STRN4: variants seen among roughly 807,000 people sequenced by gnomAD.
STRN4 encodes the protein striatin-4.
STRN4 carries 27 observed loss-of-function variants against 77.9 expected under a neutral mutation model. That is an observed-to-expected ratio of 0.35 (90% confidence interval 0.26 to 0.48). The LOEUF is 0.48. STRN4 is among the 20% of genes least tolerant of loss of function. The probability of loss-of-function intolerance (pLI) is 0.99; values close to 1 mark genes in which losing one functional copy is unlikely to be tolerated. For missense variants in STRN4, 798 were observed against 1,049.7 expected (o/e 0.76, Z 3.31); for synonymous variants, 466 against 443.1 (o/e 1.05, Z -0.65).
Position 46,733,443 on chromosome 19 carries a change from G to C in STRN4, c.540-207C>G, listed in dbSNP as rs2054296097. 1 of 584,816 alleles carries C rather than the reference G, an allele frequency of 1.7e-6. No homozygotes were observed. The allele number at this position is 584,816 out of a possible 1,614,324, so 36.2% of individuals were successfully genotyped here. On this transcript the variant is annotated intron_variant, in intron 4 of 17. Transcript: ENST00000263280. The surrounding 1 kb of genome is among the most constrained non-coding windows in gnomAD (Gnocchi z 4.3). ...TACACACACACAATGCTATGTGTGAGGGTGCTCCCTGCACTGCTGTATGGG... is the reference window on the plus strand; with the variant it reads ...TACACACACACAATGCTATGTGTGACGGTGCTCCCTGCACTGCTGTATGGG...
Position 46,738,376 on chromosome 19 carries a change from C to T in STRN4, c.387-139G>A, listed in dbSNP as rs2054410868. 1 of 850,530 alleles carries T rather than the reference C, an allele frequency of 1.2e-6. No individual in the cohort carries two copies. Among genetic ancestry groups the T allele is most frequent in the Admixed American group, 2.0e-5 (1 of 49,928 alleles). 52.7% of individuals were successfully genotyped at this position (850,530 alleles called of 1,614,324 possible). Reference sequence around the variant, plus strand: ...CTACTACTGAGGCTGAAGCATCCCCCCACACCCCTGGCCTGGTGGAAGAAA... The same window carrying T: ...CTACTACTGAGGCTGAAGCATCCCCTCACACCCCTGGCCTGGTGGAAGAAA... On this transcript the variant is annotated intron_variant, in intron 2 of 17. Transcript: ENST00000263280. This position sits in a 1 kb window ranked among gnomAD's most constrained non-coding sequence, Gnocchi z 4.5.
chr19:46,730,127 G>A (rs760752903), intron 6 of STRN4, among the ~76,000 whole-genome samples: 1 of 152,190 alleles, frequency 6.6e-6, no homozygotes, highest in South Asian at 2.1e-4. Flanking sequence ...CTGGACCAGG[G>A]GCCAGCATTT....
At chr19:46,731,892 G>A (rs1308299299) in intron 5 of STRN4, 1 of 152,288 alleles carries the variant, frequency 6.6e-6, no homozygotes, top group Non-Finnish European at 1.5e-5. Context: ...GAATGCCCAT[G>A]TGCTTGTTCA....
intron 4 of STRN4, chr19:46,736,361 G>C (rs893954543): frequency 6.6e-6 from 1 of 152,600 alleles, no homozygotes; most frequent in Non-Finnish European, 1.5e-5. Context: ...GTTGATTACA[G>C]ACCTACTTAC....
Position 46,738,142 on chromosome 19 carries a change from G to A in STRN4, c.460+22C>T. The A allele has an allele frequency of 6.2e-7, 1 of 1,612,674 alleles. No individual in the cohort carries two copies. Among genetic ancestry groups the A allele is most frequent in the East Asian group, 2.2e-5 (1 of 44,884 alleles). On this transcript the variant is annotated intron_variant, in intron 3 of 17. Coordinates refer to ENST00000263280, the MANE Select transcript of STRN4 (RefSeq NM_013403.3). This position sits in a 1 kb window ranked among gnomAD's most constrained non-coding sequence, Gnocchi z 4.5. ...GCTTCTGCGGGAGGGTGCCGACAGT[G>A]CGAGCATCAGAGGGTGGGTACCTTG... is the stretch of plus-strand genomic sequence containing the variant.
Position 46,725,633 on chromosome 19 carries a change from C to G in STRN4, c.1264G>C (p.Asp422His). The change falls in exon 10 of 18, where the codon GAT becomes CAT. Residue 422 changes from aspartate (D) to histidine (H), a missense_variant. Physicochemically the swap from Asp to His is moderately conservative, Grantham distance 81 (BLOSUM62 -1). This residue lies in a region of STRN4 where 287 missense variants were observed against 473.8 expected (regional missense o/e 0.61). Transcript: ENST00000263280. ...GGGTTCCACGTCTTCTTAAAAGCATCTTTGCTGTCAGACAGCTGGGGTTGG... is the reference window on the plus strand; with the variant it reads ...GGGTTCCACGTCTTCTTAAAAGCATGTTTGCTGTCAGACAGCTGGGGTTGG... ...DLSCDLSDSKDAFKKTWNPKF... is the reference protein window; with the variant it reads ...DLSCDLSDSKHAFKKTWNPKF... 6.2e-7 allele frequency: 1 copy of G among 1,613,948 alleles called. No homozygotes were observed. The highest frequency in any genetic ancestry group is 8.5e-7 in the Non-Finnish European group (1 of 1,179,852).
chr19:46,720,866 G>GGGGAAGT, intron 16 of STRN4, 95 bp from the exon 17 acceptor site: 1 of 1,370,000 alleles, frequency 7.3e-7, no homozygotes, highest in Non-Finnish European at 9.6e-7. Flanking sequence ...AAAGGCCTCA[G>GGGGAAGT]GGGAAGTGGG....
intron 3 of STRN4, among the ~76,000 whole-genome samples, chr19:46,737,130 C>T (rs956782742): frequency 6.6e-6 from 1 of 152,168 alleles, no homozygotes; most frequent in African/African-American, 2.4e-5. Context: ...AACTGGCCCC[C>T]GACAAGATAA....
intron 11 of STRN4, among the ~76,000 whole-genome samples, 181 bp from the exon 12 acceptor site, chr19:46,725,109 T>C (rs2054077685): frequency 7.1e-6 from 1 of 140,712 alleles, no homozygotes; most frequent in Admixed American, 7.0e-5. Context: ...CCCACCTCCA[T>C]CTCCTCCCCT....
At position 46,746,189 on chromosome 19, in the gene STRN4, G is replaced by T; in HGVS notation, c.242C>A (p.Ala81Asp). The T allele has an allele frequency of 6.5e-7, 1 of 1,539,390 alleles. No individual in the cohort carries two copies. The highest frequency in any genetic ancestry group is 1.2e-5 in the South Asian group (1 of 84,710). Residue 81 changes from alanine (A) to aspartate (D), a missense_variant, in exon 1 of 18, where the codon GCC becomes GAC. Ala to Asp is a moderately radical substitution (Grantham distance 126, BLOSUM62 -2). Transcript: ENST00000263280. ...CTCGGCCTCCCAGCGGGCTTTCTCG[G>T]CTTCGAAGCGCGCCCACTCGTGCTG... ...FIQHEWARFE[A>D]EKARWEAERA...
Position 46,725,609 on chromosome 19 carries a change from G to A in STRN4, c.1288C>T (p.Pro430Ser). The A allele has an allele frequency of 2.5e-6, 4 of 1,614,182 alleles. No individual in the cohort carries two copies. The highest frequency in any genetic ancestry group is 3.4e-6 in the Non-Finnish European group (4 of 1,180,014). ...TAGTGCGAGCGCAGGGTGAACTTGGGGTTCCACGTCTTCTTAAAAGCATCT... is the reference window on the plus strand; with the variant it reads ...TAGTGCGAGCGCAGGGTGAACTTGGAGTTCCACGTCTTCTTAAAAGCATCT... ...SKDAFKKTWN[P>S]KFTLRSHYDG... is the part of the protein sequence containing the mutation. Residue 430 changes from proline (P) to serine (S), a missense_variant, in exon 10 of 18, where the codon CCC (proline) becomes TCC (serine). Pro to Ser is a moderately conservative substitution (Grantham distance 74, BLOSUM62 -1). This residue lies in a region of STRN4 where 287 missense variants were observed against 473.8 expected (regional missense o/e 0.61). Coordinates refer to ENST00000263280, the MANE Select transcript of STRN4 (RefSeq NM_013403.3).
In STRN4 at chr19:46,733,270, C is replaced by G; in HGVS notation, c.540-34G>C. The G allele has an allele frequency of 6.3e-7, 1 of 1,594,314 alleles. No homozygotes were observed. The highest frequency in any genetic ancestry group is 1.3e-5 in the African/African-American group (1 of 74,808). ...GTGCAGAGCCACGTGGGTCAGACAT[C>G]CCCTGGGCTTCTTCATGTACCACAG... On this transcript the variant is annotated intron_variant, in intron 4 of 17. Transcript: ENST00000263280. This position sits in a 1 kb window ranked among gnomAD's most constrained non-coding sequence, Gnocchi z 4.3.
At chr19:46,736,425 ATAAT>A (rs1269243030) in intron 4 of STRN4, 16 of 163,618 alleles carry the variant, frequency 9.8e-5, no homozygotes, top group South Asian at 4.1e-4. Flanking sequence ...CTTTAAATAA[ATAAT>A]TAACAAATAA....
intron 16 of STRN4, 170 bp from the exon 17 acceptor site, chr19:46,720,941 GTCCC>G: frequency 1.6e-6 from 1 of 612,750 alleles, no homozygotes; most frequent in Non-Finnish European, 2.5e-6. Flanking sequence ...GAGAACCCTG[GTCCC>G]CTCCTGTCCA....
intron 10 of STRN4, 41 bp downstream of exon 10, chr19:46,725,432 C>A: frequency 6.2e-7 from 1 of 1,613,888 alleles, no homozygotes; most frequent in South Asian, 1.1e-5. Flanking sequence ...ACCCCCGTCC[C>A]CAGATGCCCC....
At position 46,746,247 on chromosome 19, in the gene STRN4, G is replaced by A. The variant is rs781322806; in HGVS notation, c.184C>T (p.Pro62Ser). The A allele has an allele frequency of 3.3e-6, 5 of 1,502,146 alleles. No homozygotes were observed. The highest frequency in any genetic ancestry group is 2.5e-5 in the South Asian group (2 of 81,338). 93.1% of individuals were successfully genotyped at this position (1,502,146 alleles called of 1,614,324 possible). Residue 62 changes from proline (P) to serine (S), a missense_variant, in exon 1 of 18, where the codon CCC becomes TCC. Pro to Ser is a moderately conservative substitution (Grantham distance 74, BLOSUM62 -1). Coordinates refer to ENST00000263280, the MANE Select transcript of STRN4 (RefSeq NM_013403.3). ...GSPGPTAGPE[P>S]LSLPGILHFI... ...TGCAGGATCCCCGGCAGGCTCAGGG[G>A]CTCCGGGCCCGCCGTGGGCCCGGGG...
chr19:46,723,123 T>C lies in STRN4; in HGVS notation c.1756A>G (p.Thr586Ala). 2 of 1,566,116 alleles carry C rather than the reference T, an allele frequency of 1.3e-6. No individual in the cohort carries two copies. Among genetic ancestry groups the C allele is most frequent in the Non-Finnish European group, 8.7e-7 (1 of 1,156,022 alleles). ...SSPACLCTFPTASEHGVPTSV... is the reference protein window; with the variant it reads ...SSPACLCTFPAASEHGVPTSV... ...CGGGGCCCCCACTCACCGCTGGCTG[T>C]GGGGAAGGTGCAGAGGCAGGCCGGG... The change falls in exon 13 of 18, where the codon ACA (threonine) becomes GCA (alanine). Residue 586 changes from threonine (T) to alanine (A), a missense_variant. This residue lies in a region of STRN4 where 287 missense variants were observed against 473.8 expected (regional missense o/e 0.61). Coordinates refer to ENST00000263280, the MANE Select transcript of STRN4 (RefSeq NM_013403.3). This position sits in a 1 kb window ranked among gnomAD's most constrained non-coding sequence, Gnocchi z 5.5.
In STRN4 at chr19:46,741,190, C is replaced by T. The variant is rs981292175; in HGVS notation, c.283-2302G>A. Among the ~76,000 whole-genome samples the T allele has an allele frequency of 1.3e-5, 2 of 152,128 alleles. No homozygotes were observed. Among genetic ancestry groups the T allele is most frequent in the Non-Finnish European group, 2.9e-5 (2 of 68,018 alleles). ...CAGAGACCCCCATCACAGATGAGGGCAGTCCCAGAAATCCCAGGACAGAAC... is the reference window on the plus strand; with the variant it reads ...CAGAGACCCCCATCACAGATGAGGGTAGTCCCAGAAATCCCAGGACAGAAC... On this transcript the variant is annotated intron_variant, in intron 1 of 17. Transcript: ENST00000263280. The surrounding 1 kb of genome is among the most constrained non-coding windows in gnomAD (Gnocchi z 4.9).
intron 3 of STRN4, 146 bp from the exon 4 acceptor site, chr19:46,737,047 T>C: frequency 1.5e-6 from 1 of 648,120 alleles, no homozygotes; most frequent in South Asian, 2.1e-5. Flanking sequence ...AACCCTGCTC[T>C]CTTCCCTTAC....
Sources: gnomAD v4.1 joint callset for allele counts (sites outside exome capture counted in the v4.1 genomes callset) on GRCh38, gnomAD v4.1.1 for gene constraint, gnomAD v4.1.1 regional missense constraint, Gnocchi (gnomAD v3.1) non-coding constraint, MANE v1.5 for transcripts, NCBI Gene and HGNC (gene_info 2026-07-23, HGNC 2026-07-21) for gene names.